The following RPRD2 variants were observed in gnomAD, a reference collection of about 807,000 sequenced individuals.
RPRD2 encodes regulation of nuclear pre-mRNA domain-containing protein 2.
RPRD2 carries 12 observed loss-of-function variants against 104.4 expected under a neutral mutation model. The observed-to-expected ratio is 0.11, with a 90% confidence interval of 0.07 to 0.19. RPRD2 has a LOEUF of 0.19. RPRD2 is among the 10% of genes least tolerant of loss of function. RPRD2 has a pLI of 1.00. For synonymous variants in RPRD2, 714 were observed against 684.9 expected, an observed-to-expected ratio of 1.04 and a Z score of -0.66; for missense variants, 1,543 against 1,790.1, an observed-to-expected ratio of 0.86 and a Z score of 2.49.
At chr1:150,434,099 A>G (rs1268466485) in intron 2 of RPRD2, among the ~76,000 whole-genome samples, 1 of 152,136 alleles carries the variant, frequency 6.6e-6, no homozygotes, top group Non-Finnish European at 1.5e-5. Context: ...TCATGCCTGT[A>G]ATCCCAGCAC....
chr1:150,381,669 T>C (rs1661142237), intron 1 of RPRD2, among the ~76,000 whole-genome samples: 1 of 151,976 alleles, frequency 6.6e-6, no homozygotes, highest in South Asian at 2.1e-4. Context: ...TGCGCCTGGC[T>C]AATTTTTTGT....
At chr1:150,436,248 C>A (rs1231683582) in intron 2 of RPRD2, among the ~76,000 whole-genome samples, 1 of 152,096 alleles carries the variant, frequency 6.6e-6, no homozygotes, top group Non-Finnish European at 1.5e-5. Context: ...CTTGCTAACA[C>A]AACATTTATT....
intron 8 of RPRD2, among the ~76,000 whole-genome samples, chr1:150,459,624 G>A (rs1410566661): frequency 6.9e-6 from 1 of 145,886 alleles, no homozygotes; most frequent in African/African-American, 2.6e-5. Context: ...CGGGAGTCTC[G>A]CTTTGTTGCC....
chr1:150,433,645 A>C (rs913603144), intron 2 of RPRD2, among the ~76,000 whole-genome samples: 13 of 148,264 alleles, frequency 8.8e-5, no homozygotes, highest in South Asian at 2.1e-4. Flanking sequence ...GGGGTTTCAC[A>C]GTGTTAGCCA....
intron 1 of RPRD2, among the ~76,000 whole-genome samples, chr1:150,367,124 T>C (rs1659899693): frequency 6.6e-6 from 1 of 152,208 alleles, no homozygotes; most frequent in South Asian, 2.1e-4. Context: ...TTAAGTGCTT[T>C]TGGCTAAATA....
intron 1 of RPRD2, among the ~76,000 whole-genome samples, chr1:150,379,049 C>T (rs1160371168): frequency 6.7e-6 from 1 of 148,690 alleles, no homozygotes; most frequent in Admixed American, 6.8e-5. Flanking sequence ...TTGGGAGGCC[C>T]GAGCAGACAG....
intron 7 of RPRD2, among the ~76,000 whole-genome samples, chr1:150,453,921 A>G (rs1553897112): frequency 1.3e-5 from 2 of 152,162 alleles, no homozygotes; most frequent in African/African-American, 4.8e-5. Flanking sequence ...GCTGAATTGC[A>G]GTTTAAGCAA....
chr1:150,449,618 C>T (rs1394319891), intron 7 of RPRD2, among the ~76,000 whole-genome samples: 3 of 151,926 alleles, frequency 2.0e-5, no homozygotes, highest in Non-Finnish European at 4.4e-5. Context: ...CCAGATTTCA[C>T]CTTTTTATAA....
At chr1:150,395,006 ATTT>A in intron 1 of RPRD2, among the ~76,000 whole-genome samples, 1 of 152,246 alleles carries the variant, frequency 6.6e-6, no homozygotes, top group South Asian at 2.1e-4. Flanking sequence ...TTTAAATTAA[ATTT>A]TTTTATTTCC....
chr1:150,466,314 G>A (rs1252054014), intron 10 of RPRD2, among the ~76,000 whole-genome samples: 1 of 150,282 alleles, frequency 6.7e-6, no homozygotes, highest in African/African-American at 2.5e-5. Flanking sequence ...GGAGGTGGAG[G>A]TTGCAGTGAG....
chr1:150,470,439 G>T, intron 10 of RPRD2, 122 bp from the exon 11 acceptor site: 1 of 972,012 alleles, frequency 1.0e-6, no homozygotes. Flanking sequence ...ATTCCTTTTG[G>T]CCTTACACTT....
intron 3 of RPRD2, chr1:150,441,678 C>T: frequency 2.3e-6 from 1 of 438,680 alleles, no homozygotes; most frequent in East Asian, 3.7e-5. Flanking sequence ...GGTAATTTCG[C>T]TGATGATAAA....
At chr1:150,443,439 G>C (rs782420075) in intron 5 of RPRD2, among the ~76,000 whole-genome samples, 156 bp downstream of exon 5, 2 of 152,164 alleles carry the variant, frequency 1.3e-5, no homozygotes, top group Non-Finnish European at 2.9e-5. Flanking sequence ...ATTGGGATTA[G>C]ATTGCTTGGC....
Position 150,472,061 on chromosome 1 carries a change from G to C in RPRD2, c.3113G>C (p.Gly1038Ala). 6.2e-7 allele frequency: 1 copy of C among 1,613,818 alleles called. No homozygotes were observed. Among genetic ancestry groups the C allele is most frequent in the Non-Finnish European group, 8.5e-7 (1 of 1,179,878 alleles). The part of the protein sequence containing the change: ...QAPSKGTPSD[G>A]VSLSNLTQPS... Reference sequence around the variant, plus strand: ...CCCAGCAAGGGCACTCCAAGTGATGGTGTCAGTCTCTCAAACCTCACCCAA... The same window carrying C: ...CCCAGCAAGGGCACTCCAAGTGATGCTGTCAGTCTCTCAAACCTCACCCAA... Residue 1038 changes from glycine to alanine, a missense_variant, in exon 11 of 11, where the codon GGT becomes GCT. Around this residue, in one of 4 missense-constraint regions of RPRD2, gnomAD observed 880 missense variants for 885.6 expected, o/e 0.99. Coordinates refer to ENST00000369068, the MANE Select transcript of RPRD2 (RefSeq NM_015203.5).
chr1:150,408,998 C>T (rs1222354888), intron 1 of RPRD2: 5 of 95,362 alleles, frequency 5.2e-5, no homozygotes, highest in African/African-American at 2.1e-4. Flanking sequence ...GGATTGAAAA[C>T]ACTGTATCAG....
At chr1:150,425,035 C>T (rs1665023350) in intron 2 of RPRD2, among the ~76,000 whole-genome samples, 1 of 152,102 alleles carries the variant, frequency 6.6e-6, no homozygotes, top group East Asian at 1.9e-4. Context: ...GTCTCTGGAA[C>T]CAGTGTGCAT....
intron 2 of RPRD2, among the ~76,000 whole-genome samples, chr1:150,427,702 G>A (rs1665247097): frequency 6.6e-6 from 1 of 152,122 alleles, no homozygotes. Flanking sequence ...AGGAGGCTGA[G>A]GCGGGAGGAT....
At chr1:150,415,828 A>G (rs1160098761) in intron 1 of RPRD2, among the ~76,000 whole-genome samples, 1 of 152,244 alleles carries the variant, frequency 6.6e-6, no homozygotes, top group East Asian at 1.9e-4. Flanking sequence ...AAATTGATCT[A>G]GGTGAGTTTA....
intron 2 of RPRD2, among the ~76,000 whole-genome samples, chr1:150,422,010 T>A (rs1664786943): frequency 6.9e-6 from 1 of 144,980 alleles, no homozygotes; most frequent in Non-Finnish European, 1.5e-5. Flanking sequence ...AGAACTTAAG[T>A]ATTCCTTAAA....
Sources: gnomAD v4.1 joint callset for allele counts (sites outside exome capture counted in the v4.1 genomes callset) on GRCh38, gnomAD v4.1.1 for gene constraint, gnomAD v4.1.1 regional missense constraint, MANE v1.5 for transcripts, NCBI Gene and HGNC (gene_info 2026-07-23, HGNC 2026-07-21) for gene names.